Variants in SLC44A5 observed in about 807,000 individuals in gnomAD.
SLC44A5 encodes choline transporter-like protein 5.
In SLC44A5, 57 loss-of-function variants were observed where a neutral mutation model predicts 101.8. The observed-to-expected ratio is 0.56, with a 90% CI of 0.45 to 0.70. SLC44A5 has a LOEUF of 0.70. Among genes scored for constraint, SLC44A5 ranks in the 30% least tolerant of loss-of-function variants. The pLI is 0.00. For synonymous variants in SLC44A5, 281 were observed against 290.9 expected, an observed-to-expected ratio of 0.97 and a Z score of 0.35; for missense variants, 737 against 853.1, an observed-to-expected ratio of 0.86 and a Z score of 1.70.
the SLC44A5 span, among the ~76,000 whole-genome samples, chr1:75,648,091 G>T: frequency 2.2e-4 from 34 of 152,112 alleles, no homozygotes; most frequent in African/African-American, 8.0e-4. Flanking sequence ...CCCATTTGTT[G>T]GGGAAGGGAT....
At chr1:75,701,199 AC>A in the SLC44A5 span, among the ~76,000 whole-genome samples, 2 of 151,148 alleles carry the variant, frequency 1.3e-5, no homozygotes, top group African/African-American at 2.5e-5. Flanking sequence ...GCAGAGACAC[AC>A]AAAAAAAGAG....
intron 3 of SLC44A5, among the ~76,000 whole-genome samples, chr1:75,342,139 G>T (rs1488966093): frequency 1.3e-5 from 2 of 152,148 alleles, no homozygotes; most frequent in East Asian, 1.9e-4. Context: ...ACTACCATTA[G>T]ATGTGAGGAG....
intron 2 of SLC44A5, among the ~76,000 whole-genome samples, chr1:75,409,497 G>A (rs555889493): frequency 6.6e-6 from 1 of 152,200 alleles, no homozygotes; most frequent in Non-Finnish European, 1.5e-5. Flanking sequence ...AGAACAGAGT[G>A]AGTGTTCAAA....
chr1:75,408,763 T>G (rs1440666094), intron 2 of SLC44A5, among the ~76,000 whole-genome samples: 1 of 152,018 alleles, frequency 6.6e-6, no homozygotes, highest in Non-Finnish European at 1.5e-5. Flanking sequence ...ATGTAGATGA[T>G]GGGTTGATGG....
the SLC44A5 span, among the ~76,000 whole-genome samples, chr1:75,681,280 C>T: frequency 6.6e-6 from 1 of 152,200 alleles, no homozygotes; most frequent in Non-Finnish European, 1.5e-5. Flanking sequence ...ATTCTGATAC[C>T]AAAGCCGGGC....
the SLC44A5 span, among the ~76,000 whole-genome samples, chr1:75,675,752 T>C: frequency 1.1e-3 from 162 of 152,200 alleles, 1 homozygote; most frequent in African/African-American, 3.5e-3. Context: ...GAAACTATCA[T>C]CAGAGTGAAC....
At chr1:75,246,790 T>A (rs1649147313) in intron 7 of SLC44A5, among the ~76,000 whole-genome samples, 1 of 152,060 alleles carries the variant, frequency 6.6e-6, no homozygotes, top group South Asian at 2.1e-4. Context: ...GGAAAAATAA[T>A]TCTCTAGGTA....
chr1:75,480,476 G>A (rs1399331168), intron 2 of SLC44A5, among the ~76,000 whole-genome samples: 1 of 152,214 alleles, frequency 6.6e-6, no homozygotes, highest in East Asian at 1.9e-4. Flanking sequence ...CCTGTTTGCA[G>A]ATGACATGAT....
the SLC44A5 span, among the ~76,000 whole-genome samples, chr1:75,660,630 C>T: frequency 3.9e-5 from 6 of 152,060 alleles, no homozygotes; most frequent in Non-Finnish European, 7.4e-5. Context: ...AGTAAAGTTG[C>T]AGGATATAAA....
intron 7 of SLC44A5, 97 bp downstream of exon 7, chr1:75,251,113 C>A: frequency 1.1e-6 from 1 of 903,848 alleles, no homozygotes; most frequent in South Asian, 1.4e-5. Flanking sequence ...CCCCTGCCCA[C>A]GCACACACAC....
At chr1:75,225,210 T>C (rs1339982739) in intron 13 of SLC44A5, among the ~76,000 whole-genome samples, 1 of 152,194 alleles carries the variant, frequency 6.6e-6, no homozygotes, top group Non-Finnish European at 1.5e-5. Context: ...ACTCCTGCCA[T>C]TGTATTACAA....
intron 23 of SLC44A5, among the ~76,000 whole-genome samples, chr1:75,210,462 A>G (rs1022707106): frequency 6.6e-6 from 1 of 152,182 alleles, no homozygotes; most frequent in African/African-American, 2.4e-5. Context: ...TTTTAACTCT[A>G]TGTATCAAAA....
At chr1:75,592,749 A>G (rs1174544923) in intron 1 of SLC44A5, among the ~76,000 whole-genome samples, 5 of 152,116 alleles carry the variant, frequency 3.3e-5, no homozygotes, top group African/African-American at 1.2e-4. Flanking sequence ...TGGGGGAAAG[A>G]GATTCTCCTC....
intron 3 of SLC44A5, among the ~76,000 whole-genome samples, chr1:75,374,348 T>A (rs2101192047): frequency 6.6e-6 from 1 of 152,292 alleles, no homozygotes; most frequent in East Asian, 1.9e-4. Context: ...CTCCTTGGAC[T>A]CTGCCAGGCT....
intron 2 of SLC44A5, among the ~76,000 whole-genome samples, chr1:75,445,314 T>C (rs1243610760): frequency 5.3e-5 from 8 of 151,982 alleles, no homozygotes; most frequent in Non-Finnish European, 1.5e-5. Context: ...TCTTCTGCCA[T>C]GAGTAAAGGC....
intron 2 of SLC44A5, among the ~76,000 whole-genome samples, chr1:75,445,042 G>T (rs948298940): frequency 6.6e-6 from 1 of 152,030 alleles, no homozygotes; most frequent in African/African-American, 2.4e-5. Flanking sequence ...AAATTCTCTT[G>T]GTATTTCCTC....
At chr1:75,220,098 C>G (rs753074936) in intron 14 of SLC44A5, among the ~76,000 whole-genome samples, 7 of 152,086 alleles carry the variant, frequency 4.6e-5, no homozygotes, top group Non-Finnish European at 8.8e-5. Context: ...ATGTTAGACT[C>G]CTGCCTAAAG....
chr1:75,211,686 C>G, intron 22 of SLC44A5, 134 bp from the exon 23 acceptor site: 1 of 565,576 alleles, frequency 1.8e-6, no homozygotes, highest in Non-Finnish European at 3.1e-6. Flanking sequence ...GTATAGAGAC[C>G]AAAAAGTTCA....
chr1:75,294,933 G>A lies in SLC44A5; in HGVS notation c.175+5679C>T, dbSNP rs191236331. ...AAGTAAGAACTTTCAGTTATAAGAT[G>A]AATAAGTTCTAGAGATCTGATTTAC... On this transcript the variant is annotated intron_variant, in intron 5 of 23. Coordinates refer to ENST00000370859, the MANE Select transcript of SLC44A5 (RefSeq NM_001130058.2). 1.8e-3 allele frequency among the ~76,000 whole-genome samples: 273 copies of A among 152,234 alleles called. 2 individuals carry two copies. Among genetic ancestry groups the A allele is most frequent in the Non-Finnish European group, 1.2e-3 (84 of 67,996 alleles).
Sources: gnomAD v4.1 joint callset for allele counts (sites outside exome capture counted in the v4.1 genomes callset) on GRCh38, gnomAD v4.1.1 for gene constraint, MANE v1.5 for transcripts, NCBI Gene and HGNC (gene_info 2026-07-23, HGNC 2026-07-21) for gene names.